GAS2L2: variants seen among roughly 807,000 people sequenced by gnomAD.
The protein encoded by GAS2L2 is growth arrest specific 2 like 2.
Under a neutral mutation model 35.2 loss-of-function variants are expected in GAS2L2, and 21 were observed. The observed-to-expected ratio is 0.60, with a 90% CI of 0.42 to 0.86. The LOEUF (loss-of-function observed/expected upper bound fraction) is 0.86, where lower values mean the gene tolerates loss of function less well. Among genes scored for constraint, GAS2L2 ranks in the 40% least tolerant of loss-of-function variants. The pLI, the probability that GAS2L2 is intolerant of heterozygous loss-of-function variation, is 0.00. For synonymous variants in GAS2L2, 490 were observed against 473.2 expected (o/e 1.04, Z -0.46); for missense variants, 1,169 against 1,144.4 (o/e 1.02, Z -0.31).
In GAS2L2 at chr17:35,749,226, GGGT is replaced by G; in HGVS notation, c.628-12_628-10del. On this transcript the variant is annotated splice_polypyrimidine_tract_variant and intron_variant, in intron 2 of 5. Transcript: ENST00000604641. Reference sequence around the variant, plus strand: ...CTCACAAGGCTCTGCACCTGCGGGCGGGTGGTGAACTCAGCCCTCTCCTTTGCC... The same window carrying G: ...CTCACAAGGCTCTGCACCTGCGGGCGGGTGAACTCAGCCCTCTCCTTTGCC... 1.9e-6 allele frequency: 3 copies of G among 1,595,646 alleles called. No homozygotes were observed. The highest frequency in any genetic ancestry group is 1.1e-5 in the South Asian group (1 of 90,246).
At chr17:35,750,577 G>A (rs2085698025) in intron 1 of GAS2L2, among the ~76,000 whole-genome samples, 1 of 152,204 alleles carries the variant, frequency 6.6e-6, no homozygotes, top group South Asian at 2.1e-4. Context: ...AGAGGTGACA[G>A]CAAAGCAAAG....
chr17:35,747,262 T>C lies in GAS2L2; in HGVS notation c.839A>G (p.Lys280Arg). 1 of 1,610,176 alleles carries C rather than the reference T, an allele frequency of 6.2e-7. No homozygotes were observed. Among genetic ancestry groups the C allele is most frequent in the East Asian group, 2.2e-5 (1 of 44,816 alleles). Reference sequence around the variant, plus strand: ...CGGGGGCTTCAGGAAGCTGCCTGGCTTGTGTGCTACCAACAGTCCCCCGGA... The same window carrying C: ...CGGGGGCTTCAGGAAGCTGCCTGGCCTGTGTGCTACCAACAGTCCCCCGGA... ...DPCRCTSLSH[K>R]PGSFLKPPAP... is the part of the protein sequence containing the mutation. The change falls in exon 5 of 6, where the codon AAG becomes AGG. Residue 280 changes from lysine (K) to arginine (R), a missense_variant. This residue lies in a region of GAS2L2 where 1,035 missense variants were observed against 976.5 expected (regional missense o/e 1.06). Transcript: ENST00000604641.
At position 35,748,206 on chromosome 17, in the gene GAS2L2, G is replaced by A. The variant is rs180809308; in HGVS notation, c.736-261C>T. On this transcript the variant is annotated intron_variant, in intron 3 of 5. Transcript: ENST00000604641. ...GGATCCCAAAGCCTGCCCCCAGAGC[G>A]CTCCTTTTGCTGTAAACGGTTTTGC... is the stretch of plus-strand genomic sequence containing the variant. 7.2e-5 allele frequency among the ~76,000 whole-genome samples: 11 copies of A among 152,290 alleles called. No homozygotes were observed. The East Asian group carries it at 1.5e-3, about 21-fold the overall frequency.
In GAS2L2 at chr17:35,750,077, C is replaced by T. The variant is rs782721203; in HGVS notation, c.627G>A (p.Met209Ile). The change falls in exon 2 of 6, where the codon ATG (methionine) becomes ATA (isoleucine). Residue 209 changes from methionine to isoleucine, a missense_variant and splice_region_variant. Physicochemically the swap from Met to Ile is conservative, Grantham distance 10 (BLOSUM62 1). Around this residue, in one of 3 missense-constraint regions of GAS2L2, gnomAD observed 1,035 missense variants for 976.5 expected, o/e 1.06. Coordinates refer to ENST00000604641, the MANE Select transcript of GAS2L2 (RefSeq NM_139285.4). ...QPCHFRNLDQMVQSLVSHCTC... is the reference protein window; with the variant it reads ...QPCHFRNLDQIVQSLVSHCTC... ...TGAGGGCGTGTGCAGAGCCCCTCAC[C>T]ATCTGGTCCAGGTTGCGGAAGTGGC... 6.2e-7 allele frequency: 1 copy of T among 1,602,666 alleles called. No homozygotes were observed. The highest frequency in any genetic ancestry group is 8.5e-7 in the Non-Finnish European group (1 of 1,176,108).
chr17:35,752,979 C>G lies in GAS2L2; in HGVS notation c.-129G>C. On this transcript the variant is annotated 5_prime_UTR_variant, in exon 1 of 6. Coordinates refer to ENST00000604641, the MANE Select transcript of GAS2L2 (RefSeq NM_139285.4). ...GGTTCCCGTGTACTCGCTGAGAGCC[C>G]GGGACCTCCAGTGCTGCTACTTGCC... 1 of 1,034,426 alleles carries G rather than the reference C, an allele frequency of 9.7e-7. No individual in the cohort carries two copies. Among genetic ancestry groups the G allele is most frequent in the Non-Finnish European group, 1.4e-6 (1 of 732,228 alleles). The allele number at this position is 1,034,426 out of a possible 1,614,324, so 64.1% of individuals were successfully genotyped here.
intron 1 of GAS2L2, 31 bp downstream of exon 1, chr17:35,752,435 T>C: frequency 1.3e-6 from 2 of 1,538,048 alleles, no homozygotes; most frequent in Non-Finnish European, 8.8e-7. Context: ...GATAAGCATC[T>C]GGAATGGGGA....
chr17:35,747,982 G>A (rs1555599280), intron 3 of GAS2L2, 37 bp from the exon 4 acceptor site: 4 of 1,524,868 alleles, frequency 2.6e-6, no homozygotes, highest in East Asian at 2.3e-5. Context: ...GCGGGGTGGA[G>A]GGCAGCCCCT....
intron 3 of GAS2L2, among the ~76,000 whole-genome samples, 158 bp downstream of exon 3, chr17:35,748,952 T>C (rs2085686282): frequency 6.6e-6 from 1 of 152,184 alleles, no homozygotes; most frequent in Admixed American, 6.5e-5. Context: ...TGACTTACTG[T>C]CATTGTCCTC....
At position 35,750,277 on chromosome 17, in the gene GAS2L2, T is replaced by C; in HGVS notation, c.427A>G (p.Asn143Asp). ...FETEDLVLRK[N>D]VKNVVLCLLE... Reference sequence around the variant, plus strand: ...AAACACAGCACCACGTTCTTCACGTTCTTGCGCAGCACCAAGTCCTCCGTC... The same window carrying C: ...AAACACAGCACCACGTTCTTCACGTCCTTGCGCAGCACCAAGTCCTCCGTC... The change falls in exon 2 of 6, where the codon AAC (asparagine) becomes GAC (aspartate). Residue 143 changes from asparagine to aspartate, a missense_variant. Asn to Asp is a conservative substitution (Grantham distance 23). Around this residue, in one of 3 missense-constraint regions of GAS2L2, gnomAD observed 1,035 missense variants for 976.5 expected, o/e 1.06. Coordinates refer to ENST00000604641, the MANE Select transcript of GAS2L2 (RefSeq NM_139285.4). 1 of 1,613,878 alleles carries C rather than the reference T, an allele frequency of 6.2e-7. No homozygotes were observed. Among genetic ancestry groups the C allele is most frequent in the South Asian group, 1.1e-5 (1 of 91,058 alleles).
rs2085674102 is a variant in GAS2L2 at position 35,747,186 on chromosome 17, G to A, written c.915C>T (p.Thr305=). The A allele has an allele frequency of 6.2e-7, 1 of 1,613,966 alleles. No homozygotes were observed. The highest frequency in any genetic ancestry group is 1.3e-5 in the African/African-American group (1 of 74,932). The change falls in exon 5 of 6, where the codon ACC becomes ACT. Residue 305 remains threonine (T), a synonymous_variant. Coordinates refer to ENST00000604641, the MANE Select transcript of GAS2L2 (RefSeq NM_139285.4). Reference sequence around the variant, plus strand: ...AGCGGCTGATGGTCATTGTAGGCTGGGTCTGTGAGGGTCCATCCTGTACCC... The same window carrying A: ...AGCGGCTGATGGTCATTGTAGGCTGAGTCTGTGAGGGTCCATCCTGTACCC... ...EVRVQDGPSQ[T]QPTMTISRSQ... is the part of the protein sequence containing the mutation.
At position 35,752,464 on chromosome 17, in the gene GAS2L2, A is replaced by G. The variant is rs1435669308; in HGVS notation, c.385+2T>C. 1 of 1,572,424 alleles carries G rather than the reference A, an allele frequency of 6.4e-7. No homozygotes were observed. Among genetic ancestry groups the G allele is most frequent in the Non-Finnish European group, 8.7e-7 (1 of 1,152,534 alleles). On this transcript the variant is annotated splice_donor_variant, in intron 1 of 5. Transcript: ENST00000604641. LOFTEE classifies it high-confidence loss of function. ...ATGGGGACGAGGGTGCAGCGTGGTT[A>G]CCTTGGATGCCCATCTCCTTTCGAC...
rs1399763115 is a variant in GAS2L2, at chr17:35,750,119, G to T, written c.585C>A (p.Pro195=). 3 of 1,601,894 alleles carry T rather than the reference G, an allele frequency of 1.9e-6. No individual in the cohort carries two copies. The East Asian group carries it at 6.7e-5, about 36-fold the overall frequency. ...GGAAGTGGCAGGGCTGGCGCCTGGGGGGCGCTGGCGGCGAGGGGTCGGGCG... is the reference window on the plus strand; with the variant it reads ...GGAAGTGGCAGGGCTGGCGCCTGGGTGGCGCTGGCGGCGAGGGGTCGGGCG... The part of the protein sequence containing the change: ...LPPPDPSPPA[P]PRRQPCHFRN... Residue 195 remains proline (P), a synonymous_variant, in exon 2 of 6, where the codon CCC becomes CCA. Coordinates refer to ENST00000604641, the MANE Select transcript of GAS2L2 (RefSeq NM_139285.4).
chr17:35,750,041 G>T (rs782329384), intron 2 of GAS2L2, 36 bp downstream of exon 2: 1 of 1,593,162 alleles, frequency 6.3e-7, no homozygotes, highest in Non-Finnish European at 8.5e-7. Flanking sequence ...AGGACAAAGG[G>T]AAGGGGGCCC....
Position 35,752,895 on chromosome 17 carries a change from A to G in GAS2L2, c.-45T>C. The G allele has an allele frequency of 6.6e-7, 1 of 1,523,802 alleles. No homozygotes were observed. The allele number at this position is 1,523,802 out of a possible 1,614,324, so 94.4% of individuals were successfully genotyped here. A position where few individuals can be genotyped will look rare whatever the true frequency, so the allele number is the denominator to read the frequency against. On this transcript the variant is annotated 5_prime_UTR_variant, in exon 1 of 6. Coordinates refer to ENST00000604641, the MANE Select transcript of GAS2L2 (RefSeq NM_139285.4). ...AGGAGGTGGGCACCTCCCCTCTCCCACTGCCGCCTCTTTCCTCCCGCTGCT... is the reference window on the plus strand; with the variant it reads ...AGGAGGTGGGCACCTCCCCTCTCCCGCTGCCGCCTCTTTCCTCCCGCTGCT...
intron 4 of GAS2L2, 117 bp downstream of exon 4, chr17:35,747,732 A>C: frequency 1.3e-6 from 1 of 795,044 alleles, no homozygotes; most frequent in Non-Finnish European, 2.1e-6. Context: ...ACACCTCCCC[A>C]CCTACCGCTC....
In GAS2L2 at chr17:35,752,544, C is replaced by T. The variant is rs1555599908; in HGVS notation, c.307G>A (p.Ala103Thr). 4 of 1,613,294 alleles carry T rather than the reference C, an allele frequency of 2.5e-6. No individual in the cohort carries two copies. The highest frequency in any genetic ancestry group is 1.7e-6 in the Non-Finnish European group (2 of 1,179,310). ...CTGGCCTGGAAGGTACCTGGCTGGGCGGCCCCATTGCAGGAGACCCCGACC... is the reference window on the plus strand; with the variant it reads ...CTGGCCTGGAAGGTACCTGGCTGGGTGGCCCCATTGCAGGAGACCCCGACC... Reference protein sequence around the residue: ...PRVGVSCNGAAQPGTFQARDN... With the variant: ...PRVGVSCNGATQPGTFQARDN... Residue 103 changes from alanine to threonine, a missense_variant, in exon 1 of 6, where the codon GCC (alanine) becomes ACC (threonine). This residue lies in a region of GAS2L2 where 127 missense variants were observed against 146.1 expected (regional missense o/e 0.87). Transcript: ENST00000604641.
In GAS2L2 at chr17:35,747,110, G is replaced by T. The variant is rs139340113; in HGVS notation, c.991C>A (p.Arg331=). Residue 331 remains arginine (R), a synonymous_variant, in exon 5 of 6, where the codon CGA becomes AGA. Coordinates refer to ENST00000604641, the MANE Select transcript of GAS2L2 (RefSeq NM_139285.4). ...GATGGGGTGGGGGGCCTCAGCCTTC[G>T]GTCTGAAGAGGTATATGTCTTCCAG... ...VDWKTYTSSD[R]RLRPPTPSSP... The T allele has an allele frequency of 1.2e-6, 2 of 1,613,146 alleles. No homozygotes were observed. The highest frequency in any genetic ancestry group is 4.5e-5 in the East Asian group (2 of 44,878).
At position 35,745,182 on chromosome 17, in the gene GAS2L2, T is replaced by C; in HGVS notation, c.2315A>G (p.Tyr772Cys). 1 of 1,612,266 alleles carries C rather than the reference T, an allele frequency of 6.2e-7. No homozygotes were observed. Among genetic ancestry groups the C allele is most frequent in the Non-Finnish European group, 8.5e-7 (1 of 1,178,684 alleles). The change falls in exon 6 of 6, where the codon TAC becomes TGC. Residue 772 changes from tyrosine (Y) to cysteine (C), a missense_variant. Tyr to Cys is a radical substitution (Grantham distance 194). Around this residue, in one of 3 missense-constraint regions of GAS2L2, gnomAD observed 1,035 missense variants for 976.5 expected, o/e 1.06. Coordinates refer to ENST00000604641, the MANE Select transcript of GAS2L2 (RefSeq NM_139285.4). ...AATCCTGGGTCTCAGCTTCAGCTTG[T>C]AGATGGACGGGACCCTCTTGGGCTT... Reference protein sequence around the residue: ...LRKPKRVPSIYKLKLRPRIRP... With the variant: ...LRKPKRVPSICKLKLRPRIRP...
At position 35,752,515 on chromosome 17, in the gene GAS2L2, G is replaced by A; in HGVS notation, c.336C>T (p.Asp112=). The change falls in exon 1 of 6, where the codon GAC becomes GAT. Residue 112 remains aspartate, a synonymous_variant. Coordinates refer to ENST00000604641, the MANE Select transcript of GAS2L2 (RefSeq NM_139285.4). ...AAQPGTFQAR[D]NVSNFIQWCR... The stretch of plus-strand genomic sequence containing the variant: ...ACCACTGGATGAAGTTAGAGACATT[G>A]TCCCTGGCCTGGAAGGTACCTGGCT... 1 of 1,608,746 alleles carries A rather than the reference G, an allele frequency of 6.2e-7. No individual in the cohort carries two copies. The highest frequency in any genetic ancestry group is 1.1e-5 in the South Asian group (1 of 90,764).
Sources: gnomAD v4.1 joint callset for allele counts (sites outside exome capture counted in the v4.1 genomes callset) on GRCh38, gnomAD v4.1.1 for gene constraint, gnomAD v4.1.1 regional missense constraint, MANE v1.5 for transcripts, NCBI Gene and HGNC (gene_info 2026-07-23, HGNC 2026-07-21) for gene names.